PCDHA3: variants seen among roughly 807,000 people sequenced by gnomAD.
PCDHA3 encodes the protein protocadherin alpha-3.
Under a neutral mutation model 62.2 loss-of-function variants are expected in PCDHA3, and 41 were observed. The observed-to-expected ratio is 0.66, with a 90% CI of 0.51 to 0.86. The LOEUF is 0.86. Ranked by LOEUF, PCDHA3 falls within the 40% of genes least tolerant of loss-of-function variation. The probability of loss-of-function intolerance (pLI) is 0.00; values close to 1 mark genes in which losing one functional copy is unlikely to be tolerated. For missense variants in PCDHA3, 1,304 were observed against 1,241.2 expected (o/e 1.05, Z -0.76); for synonymous variants, 640 against 555.4 (o/e 1.15, Z -2.14).
At chr5:140,850,588 T>A in intron 1 of PCDHA3, 1 of 1,598,352 alleles carries the variant, frequency 6.3e-7, no homozygotes, top group South Asian at 1.1e-5. Flanking sequence ...GATGTCAACG[T>A]GTACCTGATC....
At chr5:140,956,403 A>C (rs1475566345) in intron 1 of PCDHA3, among the ~76,000 whole-genome samples, 1 of 152,178 alleles carries the variant, frequency 6.6e-6, no homozygotes, top group African/African-American at 2.4e-5. Context: ...ATCCATTGAG[A>C]TAATCATGTG....
chr5:140,876,079 G>C, intron 1 of PCDHA3: 1 of 1,613,940 alleles, frequency 6.2e-7, no homozygotes, highest in Non-Finnish European at 8.5e-7. Flanking sequence ...ATTGGACAGA[G>C]AGCAAACGCC....
chr5:140,806,238 T>TA (rs1357103768), intron 1 of PCDHA3, among the ~76,000 whole-genome samples: 30 of 152,172 alleles, frequency 2.0e-4, no homozygotes, highest in Admixed American at 1.5e-3. Flanking sequence ...GCTTGTTTAT[T>TA]AAAAAAAGCT....
In PCDHA3 at chr5:140,847,905, T is replaced by C. The variant is rs2150241062; in HGVS notation, c.2394+44314T>C. 2 of 150,078 alleles carry C rather than the reference T, an allele frequency of 1.3e-5. 1 individual carries two copies. The highest frequency in any genetic ancestry group is 4.2e-4 in the South Asian group (2 of 4,724). The allele number at this position is 150,078 out of a possible 1,614,324, so 9.3% of individuals were successfully genotyped here. A position where few individuals can be genotyped will look rare whatever the true frequency, so the allele number is the denominator to read the frequency against. ...AGTTTCTTTTTCATCAGTAGATTTC[T>C]GGGCTCCTATATTCACTAGAGATTG... is the stretch of plus-strand genomic sequence containing the variant. On this transcript the variant is annotated intron_variant, in intron 1 of 3. Coordinates refer to ENST00000522353, the MANE Select transcript of PCDHA3 (RefSeq NM_018906.3).
intron 1 of PCDHA3, among the ~76,000 whole-genome samples, chr5:140,886,751 G>A (rs1156754601): frequency 2.0e-5 from 3 of 151,312 alleles, no homozygotes; most frequent in African/African-American, 7.3e-5. Context: ...GCTTGAACCC[G>A]GGAGGTGGAG....
chr5:140,961,445 C>T (rs772072156), intron 1 of PCDHA3, among the ~76,000 whole-genome samples: 1 of 152,214 alleles, frequency 6.6e-6, no homozygotes, highest in South Asian at 2.1e-4. Context: ...CCTAACTACA[C>T]TGTCTTGCAG....
chr5:140,824,637 T>TTTC (rs1768307351), intron 1 of PCDHA3: 2 of 145,312 alleles, frequency 1.4e-5, no homozygotes, highest in Non-Finnish European at 2.9e-5. Flanking sequence ...TTTTTTATTT[T>TTTC]CTGTAGAGAT....
At chr5:140,816,652 G>C (rs1285139152) in intron 1 of PCDHA3, 2 of 152,050 alleles carry the variant, frequency 1.3e-5, no homozygotes, top group African/African-American at 4.8e-5. Context: ...ACCTCTTCCA[G>C]TCTTTATGGA....
chr5:140,841,919 T>G, intron 1 of PCDHA3: 3 of 1,613,892 alleles, frequency 1.9e-6, no homozygotes, highest in Non-Finnish European at 2.5e-6. Flanking sequence ...AAGAAAATCC[T>G]TGGACAGAGA....
intron 1 of PCDHA3, among the ~76,000 whole-genome samples, chr5:140,951,417 C>G (rs1259525145): frequency 6.6e-6 from 1 of 152,044 alleles, no homozygotes; most frequent in Non-Finnish European, 1.5e-5. Context: ...AATTGGCTCA[C>G]AGTTCCACAG....
chr5:140,862,768 G>A (rs1409687409), intron 1 of PCDHA3: 1 of 576,568 alleles, frequency 1.7e-6, no homozygotes, highest in Admixed American at 1.9e-5. Flanking sequence ...CAAGAGGTAC[G>A]CGTTGCAGCC....
chr5:140,842,487 T>G, intron 1 of PCDHA3: 3 of 1,613,936 alleles, frequency 1.9e-6, no homozygotes, highest in Non-Finnish European at 2.5e-6. Context: ...ACCTGCTCCC[T>G]GATGCCCCAT....
intron 3 of PCDHA3, among the ~76,000 whole-genome samples, chr5:140,984,412 A>G (rs1189115390): frequency 5.9e-5 from 9 of 152,184 alleles, no homozygotes; most frequent in African/African-American, 2.2e-4. Flanking sequence ...TATCTTTTTT[A>G]CAGAGATAGA....
chr5:140,805,123 G>A (rs1554123272), intron 1 of PCDHA3: 1 of 1,584,212 alleles, frequency 6.3e-7, no homozygotes, highest in Admixed American at 1.7e-5. Context: ...AAGACTCTTG[G>A]CAAAGACATT....
At chr5:140,968,480 A>G in intron 1 of PCDHA3, 1 of 1,614,140 alleles carries the variant, frequency 6.2e-7, no homozygotes. Flanking sequence ...TGTGGTGGAC[A>G]TGAATGACCA....
At chr5:140,960,853 T>C (rs1554225072) in intron 1 of PCDHA3, among the ~76,000 whole-genome samples, 2 of 152,214 alleles carry the variant, frequency 1.3e-5, no homozygotes, top group Non-Finnish European at 1.5e-5. Flanking sequence ...ATGGCAACTA[T>C]AAGCCAGAAA....
At chr5:140,834,160 T>G (rs2150213873) in intron 1 of PCDHA3, 2 of 539,050 alleles carry the variant, frequency 3.7e-6, no homozygotes, top group Non-Finnish European at 6.5e-6. Context: ...GGTTTGTAAT[T>G]CTTACTTACA....
chr5:140,834,911 G>A (rs2150228953), intron 1 of PCDHA3: 44 of 1,595,108 alleles, frequency 2.8e-5, no homozygotes, highest in Non-Finnish European at 4.3e-6. Context: ...GCCCCAATGA[G>A]TATTTCTTCC....
At chr5:140,969,221 C>A (rs1222433541) in intron 1 of PCDHA3, 1 of 1,614,040 alleles carries the variant, frequency 6.2e-7, no homozygotes, top group African/African-American at 1.3e-5. Context: ...AGGACCAGGG[C>A]CTTCGGGAGC....
Sources: allele counts gnomAD v4.1 joint callset (sites outside exome capture counted in the v4.1 genomes callset), GRCh38; gene constraint gnomAD v4.1.1; transcripts MANE v1.5; gene names NCBI Gene and HGNC (gene_info 2026-07-23, HGNC 2026-07-21).